Variants in OPN1SW observed in about 807,000 individuals in gnomAD.
OPN1SW encodes the protein short-wave-sensitive opsin 1.
In OPN1SW, 25 loss-of-function variants were observed where a neutral mutation model predicts 31.9. That is an observed-to-expected ratio of 0.78 (90% CI 0.57 to 1.09). The LOEUF is 1.09. OPN1SW is among the 50% of genes least tolerant of loss of function. The pLI is 0.00. For missense variants in OPN1SW, 424 were observed against 448.0 expected, an observed-to-expected ratio of 0.95 and a Z score of 0.48; for synonymous variants, 190 against 171.9, an observed-to-expected ratio of 1.11 and a Z score of -0.82.
At chr7:128,775,200 G>C in intron 1 of OPN1SW, 46 bp from the exon 2 acceptor site, 1 of 1,594,916 alleles carries the variant, frequency 6.3e-7, no homozygotes, top group Non-Finnish European at 8.6e-7. Flanking sequence ...GCCCCACCCA[G>C]CCTGGCTGGC....
intron 3 of OPN1SW, 67 bp from the exon 4 acceptor site, chr7:128,773,955 T>TTAA (rs2128885864): frequency 6.6e-7 from 1 of 1,517,914 alleles, no homozygotes; most frequent in East Asian, 2.3e-5. Flanking sequence ...TTTTTTTTTT[T>TTAA]TTTTTAATTT....
Position 128,774,669 on chromosome 7 carries a change from A to G in OPN1SW, c.513-6T>C, listed in dbSNP as rs753831565. The stretch of plus-strand genomic sequence containing the variant: ...GCAGGCCCTCAGGGATGAACCTGCA[A>G]AGGACCAAACACTTGCTCACTGGAC... On this transcript the variant is annotated splice_polypyrimidine_tract_variant and splice_region_variant and intron_variant, in intron 2 of 4. Coordinates refer to ENST00000249389, the MANE Select transcript of OPN1SW (RefSeq NM_001385125.1). The G allele has an allele frequency of 6.2e-6, 10 of 1,613,976 alleles. No individual in the cohort carries two copies. In the South Asian group the frequency reaches 8.8e-5, roughly 14 times the overall value.
At chr7:128,772,886 T>A (rs1259177500) in intron 4 of OPN1SW, among the ~76,000 whole-genome samples, 1 of 152,184 alleles carries the variant, frequency 6.6e-6, no homozygotes, top group Non-Finnish European at 1.5e-5. Context: ...ACCTCACTGT[T>A]GGTAAATTCA....
chr7:128,774,907 T>C, intron 2 of OPN1SW, 79 bp downstream of exon 2: 1 of 1,576,638 alleles, frequency 6.3e-7, no homozygotes, highest in Non-Finnish European at 8.7e-7. Context: ...AAAGACTAAA[T>C]AGTTATACCC....
At chr7:128,772,743 C>G (rs1467319715) in intron 4 of OPN1SW, 84 bp from the exon 5 acceptor site, 107 of 1,575,540 alleles carry the variant, frequency 6.8e-5, no homozygotes, top group Non-Finnish European at 8.5e-5. Context: ...ATCACCAAAG[C>G]CTTGCACAAT....
chr7:128,774,677 A>C lies in OPN1SW; in HGVS notation c.513-14T>G. The C allele has an allele frequency of 3.7e-6, 6 of 1,614,060 alleles. No homozygotes were observed. Among genetic ancestry groups the C allele is most frequent in the Non-Finnish European group, 5.1e-6 (6 of 1,180,012 alleles). On this transcript the variant is annotated splice_polypyrimidine_tract_variant and intron_variant, in intron 2 of 4. Transcript: ENST00000249389. Reference sequence around the variant, plus strand: ...TCAGGGATGAACCTGCAAAGGACCAAACACTTGCTCACTGGACTCTCCACA... The same window carrying C: ...TCAGGGATGAACCTGCAAAGGACCACACACTTGCTCACTGGACTCTCCACA...
Position 128,775,707 on chromosome 7 carries a change from A to G in OPN1SW, c.75T>C (p.Ile25=), listed in dbSNP as rs763008244. ...GGAGGTAGAAGGCCCAGACAGGGGCAATGTGGTACTGAGGCCCATCCCACG... is the reference window on the plus strand; with the variant it reads ...GGAGGTAGAAGGCCCAGACAGGGGCGATGTGGTACTGAGGCCCATCCCACG... ...VGPWDGPQYH[I]APVWAFYLQA... The change falls in exon 1 of 5, where the codon ATT becomes ATC. Residue 25 remains isoleucine (I), a synonymous_variant. Transcript: ENST00000249389. 9 of 1,614,196 alleles carry G rather than the reference A, an allele frequency of 5.6e-6. No individual in the cohort carries two copies. The East Asian group carries it at 2.0e-4, about 36-fold the overall frequency.
chr7:128,775,335 T>C, intron 1 of OPN1SW, 104 bp downstream of exon 1: 1 of 1,367,358 alleles, frequency 7.3e-7, no homozygotes. Flanking sequence ...ACCCCAGTAT[T>C]TTAAAAAGCA....
rs1227718362 is a variant in OPN1SW at position 128,775,438 on chromosome 7, C to T, written c.343+1G>A. 1 of 1,612,392 alleles carries T rather than the reference C, an allele frequency of 6.2e-7. No individual in the cohort carries two copies. Among genetic ancestry groups the T allele is most frequent in the Non-Finnish European group, 8.5e-7 (1 of 1,178,976 alleles). On this transcript the variant is annotated splice_donor_variant, in intron 1 of 4. Coordinates refer to ENST00000249389, the MANE Select transcript of OPN1SW (RefSeq NM_001385125.1). LOFTEE classifies it high-confidence loss of function. ...CCTAACCCCTTTTTCCCCTGCAGTA[C>T]CTGCTACAGTGCCCAGGAAGCCCTC...
At position 128,774,494 on chromosome 7, in the gene OPN1SW, T is replaced by C. The variant is rs1262494532; in HGVS notation, c.678+4A>G. The C allele has an allele frequency of 2.5e-6, 4 of 1,613,322 alleles. No individual in the cohort carries two copies. Among genetic ancestry groups the C allele is most frequent in the Non-Finnish European group, 3.4e-6 (4 of 1,179,768 alleles). On this transcript the variant is annotated splice_donor_region_variant and intron_variant, in intron 3 of 4. Coordinates refer to ENST00000249389, the MANE Select transcript of OPN1SW (RefSeq NM_001385125.1). ...TTCTTCCCTGACTATCAAATGCCAC[T>C]CACAGCTTTCAGGGCCCTCAGCAGC...
rs763022335 is a variant in OPN1SW at position 128,773,881 on chromosome 7, G to A, written c.686C>T (p.Ala229Val). Residue 229 changes from alanine to valine, a missense_variant, in exon 4 of 5, where the codon GCT becomes GTT. Physicochemically the swap from Ala to Val is moderately conservative, Grantham distance 64 (BLOSUM62 0). Transcript: ENST00000249389. ...GGTCGTAGCTGACTCCTGCTGCTGA[G>A]CTGCAACCTGGGGTGGAGCACGGAA... ...QLLRALKAVA[A>V]QQQESATTQK... is the part of the protein sequence containing the mutation. The A allele has an allele frequency of 6.8e-6, 11 of 1,610,462 alleles. No homozygotes were observed. The highest frequency in any genetic ancestry group is 1.1e-5 in the South Asian group (1 of 91,042).
chr7:128,773,520 CGGG>C, intron 4 of OPN1SW, 126 bp downstream of exon 4: 2 of 1,264,014 alleles, frequency 1.6e-6, no homozygotes, highest in Non-Finnish European at 2.3e-6. Context: ...CCAACCTACT[CGGG>C]GGTTTTGTGG....
In OPN1SW at chr7:128,775,521, A is replaced by G; in HGVS notation, c.261T>C (p.Pro87=). The part of the protein sequence containing the change: ...GFLLCIFSVF[P]VFVASCNGYF... Reference sequence around the variant, plus strand: ...ATCCGTTACAGCTGGCGACGAAGACAGGGAAGACAGAGAAGATGCAGAGGA... The same window carrying G: ...ATCCGTTACAGCTGGCGACGAAGACGGGGAAGACAGAGAAGATGCAGAGGA... Residue 87 remains proline, a synonymous_variant, in exon 1 of 5, where the codon CCT becomes CCC. Transcript: ENST00000249389. The G allele has an allele frequency of 1.2e-6, 2 of 1,614,052 alleles. No individual in the cohort carries two copies. The highest frequency in any genetic ancestry group is 1.7e-6 in the Non-Finnish European group (2 of 1,179,932).
intron 1 of OPN1SW, 41 bp downstream of exon 1, chr7:128,775,398 C>G: frequency 6.3e-7 from 1 of 1,577,478 alleles, no homozygotes; most frequent in Non-Finnish European, 8.7e-7. Flanking sequence ...AGTGGAGTAG[C>G]AACCTTTGCC....
In OPN1SW at chr7:128,775,493, A is replaced by C. The variant is rs765766614; in HGVS notation, c.289T>G (p.Phe97Val). 35 of 1,613,956 alleles carry C rather than the reference A, an allele frequency of 2.2e-5. No homozygotes were observed. The highest frequency in any genetic ancestry group is 2.8e-5 in the Non-Finnish European group (33 of 1,179,886). The change falls in exon 1 of 5, where the codon TTC (phenylalanine) becomes GTC (valine). Residue 97 changes from phenylalanine (F) to valine (V), a missense_variant. By Grantham distance (50) the Phe-to-Val change is conservative. Transcript: ENST00000249389. ...PVFVASCNGY[F>V]VFGRHVCALE... ...GCACAAACATGGCGACCGAAGACGA[A>C]GTATCCGTTACAGCTGGCGACGAAG...
At position 128,774,526 on chromosome 7, in the gene OPN1SW, T is replaced by C; in HGVS notation, c.650A>G (p.Tyr217Cys). 1 of 1,613,840 alleles carries C rather than the reference T, an allele frequency of 6.2e-7. No individual in the cohort carries two copies. Among genetic ancestry groups the C allele is most frequent in the South Asian group, 1.1e-5 (1 of 91,078 alleles). ...TTTCAGGGCCCTCAGCAGCTGAGTG[T>C]AGGAGAAGCAGATGAGGGAGAGAGG... ...IVPLSLICFS[Y>C]TQLLRALKAV... Residue 217 changes from tyrosine to cysteine, a missense_variant, in exon 3 of 5, where the codon TAC becomes TGC. Coordinates refer to ENST00000249389, the MANE Select transcript of OPN1SW (RefSeq NM_001385125.1).
rs339040 is a variant in OPN1SW at position 128,775,183 on chromosome 7, A to C, written c.344-29T>G. On this transcript the variant is annotated intron_variant, in intron 1 of 4. Transcript: ENST00000249389. ...TGGTGAAATGTGAGGATAATGGGCT[A>C]GACAGAGCCCCACCCAGCCTGGCTG... is the stretch of plus-strand genomic sequence containing the variant. 4 of 1,608,152 alleles carry C rather than the reference A, an allele frequency of 2.5e-6. No homozygotes were observed. In the African/African-American group the frequency reaches 5.3e-5, roughly 21 times the overall value.
chr7:128,773,943 C>CTTTT, intron 3 of OPN1SW, 55 bp from the exon 4 acceptor site: 3 of 1,378,670 alleles, frequency 2.2e-6, no homozygotes, highest in Non-Finnish European at 1.9e-6. Context: ...CCTCTGGATG[C>CTTTT]TTTTTTTTTT....
rs200504235 is a variant in OPN1SW, at chr7:128,775,748, T to C, written c.34A>G (p.Ile12Val). ...CCATCCCACGGCCCCACTGAAGAGA[T>C]ATTTTTGAACAGATAAAACTCTTCC... Reference protein sequence around the residue: ...SEEEFYLFKNISSVGPWDGPQ... With the variant: ...SEEEFYLFKNVSSVGPWDGPQ... The change falls in exon 1 of 5, where the codon ATC becomes GTC. Residue 12 changes from isoleucine (I) to valine (V), a missense_variant. Transcript: ENST00000249389. 1 of 1,614,150 alleles carries C rather than the reference T, an allele frequency of 6.2e-7. No homozygotes were observed. The highest frequency in any genetic ancestry group is 1.1e-5 in the South Asian group (1 of 91,080).
Sources: allele counts gnomAD v4.1 joint callset (sites outside exome capture counted in the v4.1 genomes callset), GRCh38; gene constraint gnomAD v4.1.1; transcripts MANE v1.5; gene names NCBI Gene and HGNC (gene_info 2026-07-23, HGNC 2026-07-21).